The following UCMA variants were observed in gnomAD, a reference collection of about 807,000 sequenced individuals.
The protein encoded by UCMA is upper zone of growth plate and cartilage matrix-associated protein.
UCMA carries 21 observed loss-of-function variants against 21.8 expected under a neutral mutation model. That is an observed-to-expected ratio of 0.97 (90% CI 0.68 to 1.39). The LOEUF is 1.39. Ranked by LOEUF, UCMA falls within the 40% of genes most tolerant of loss-of-function variation. The pLI is 0.00. For synonymous variants in UCMA, 76 were observed against 67.9 expected (o/e 1.12, Z -0.58); for missense variants, 193 against 178.9 (o/e 1.08, Z -0.45).
At chr10:13,227,392 C>T (rs920223997) in intron 4 of UCMA, among the ~76,000 whole-genome samples, 14 of 152,186 alleles carry the variant, frequency 9.2e-5, no homozygotes, top group African/African-American at 3.1e-4. Context: ...TCCTCAGGAG[C>T]ATTACAATCT....
rs928122321 is a variant in UCMA at position 13,222,048 on chromosome 10, C to A, written c.*55G>T. On this transcript the variant is annotated 3_prime_UTR_variant, in exon 5 of 5. Coordinates refer to ENST00000378681, the MANE Select transcript of UCMA (RefSeq NM_145314.3). Reference sequence around the variant, plus strand: ...TTGCATGGGAAAGATTGCTGGAACACGGGGATGCCAATGGTGCTACAAGCT... The same window carrying A: ...TTGCATGGGAAAGATTGCTGGAACAAGGGGATGCCAATGGTGCTACAAGCT... 1 of 1,590,792 alleles carries A rather than the reference C, an allele frequency of 6.3e-7. No homozygotes were observed. The highest frequency in any genetic ancestry group is 1.1e-5 in the South Asian group (1 of 90,258).
rs533959785 is a variant in UCMA, at chr10:13,222,429, G to A, written c.320-229C>T. 2.6e-5 allele frequency among the ~76,000 whole-genome samples: 4 copies of A among 152,316 alleles called. No individual in the cohort carries two copies. In the East Asian group the frequency reaches 7.7e-4, roughly 29 times the overall value. ...AAGGTCACAGGCAGGTGTAGACCAG[G>A]GCCGGGCATCTCAGGCTCTTCTGCC... On this transcript the variant is annotated intron_variant, in intron 4 of 4. Coordinates refer to ENST00000378681, the MANE Select transcript of UCMA (RefSeq NM_145314.3).
Position 13,221,923 on chromosome 10 carries a change from A to G in UCMA, c.*180T>C, listed in dbSNP as rs796321840. On this transcript the variant is annotated 3_prime_UTR_variant, in exon 5 of 5. Transcript: ENST00000378681. ...TCAGAAGATGGTCTGCAAAGAGGTG[A>G]AAGTCAGGACACTTTCACACACTGG... 3.6e-5 allele frequency: 23 copies of G among 633,740 alleles called. No individual in the cohort carries two copies. The African/African-American group carries it at 4.0e-4, about 11-fold the overall frequency. The allele number at this position is 633,740 out of a possible 1,614,324, so 39.3% of individuals were successfully genotyped here. A position where few individuals can be genotyped will look rare whatever the true frequency, so the allele number is the denominator to read the frequency against.
Position 13,230,981 on chromosome 10 carries a change from G to A in UCMA, c.221-1272C>T, listed in dbSNP as rs374825254. Among the ~76,000 whole-genome samples the A allele has an allele frequency of 1.6e-4, 24 of 151,980 alleles. 2 individuals carry two copies. In the East Asian group the frequency reaches 1.9e-3, roughly 12 times the overall value. On this transcript the variant is annotated intron_variant, in intron 3 of 4. Transcript: ENST00000378681. Reference sequence around the variant, plus strand: ...GTGAGGCAGGAGAATTGCTTGAACCGGGGAGGTGGAGGTTGAGATCACGCC... The same window carrying A: ...GTGAGGCAGGAGAATTGCTTGAACCAGGGAGGTGGAGGTTGAGATCACGCC...
Position 13,233,632 on chromosome 10 carries a change from A to C in UCMA, c.126T>G (p.Asp42Glu), listed in dbSNP as rs1354954202. Residue 42 changes from aspartate (D) to glutamate (E), a missense_variant and splice_region_variant, in exon 3 of 5, where the codon GAT (aspartate) becomes GAG (glutamate). Asp to Glu is a conservative substitution (Grantham distance 45, BLOSUM62 2). Coordinates refer to ENST00000378681, the MANE Select transcript of UCMA (RefSeq NM_145314.3). Reference protein sequence around the residue: ...MQMAGEEASEDAKQKIFMQES... With the variant: ...MQMAGEEASEEAKQKIFMQES... ...CCTGCATGAAAATCTTCTGTTTTGC[A>C]TCTGAAACCCGGGAGAGGCCTGTCA... The C allele has an allele frequency of 1.2e-6, 2 of 1,614,112 alleles. No individual in the cohort carries two copies. The highest frequency in any genetic ancestry group is 4.5e-5 in the East Asian group (2 of 44,876).
chr10:13,234,193 G>T lies in UCMA; in HGVS notation c.58+8C>A. The T allele has an allele frequency of 7.4e-6, 12 of 1,612,476 alleles. No homozygotes were observed. The highest frequency in any genetic ancestry group is 1.0e-5 in the Non-Finnish European group (12 of 1,179,626). On this transcript the variant is annotated splice_region_variant and intron_variant, in intron 1 of 4. Coordinates refer to ENST00000378681, the MANE Select transcript of UCMA (RefSeq NM_145314.3). ...TAACACCCTCCACCTTGACCCTCCT[G>T]TACTCACTAGACAGGAGCACCACGG...
At chr10:13,229,555 T>C (rs1056755294) in intron 4 of UCMA, 56 bp downstream of exon 4, 4 of 1,460,588 alleles carry the variant, frequency 2.7e-6, no homozygotes, top group Non-Finnish European at 3.8e-6. Flanking sequence ...AAGCAAACCA[T>C]GTGATTTCTC....
rs1564405345 is a variant in UCMA, at chr10:13,233,717, G to C, written c.124+18C>G. 6.2e-7 allele frequency: 1 copy of C among 1,613,996 alleles called. No individual in the cohort carries two copies. Among genetic ancestry groups the C allele is most frequent in the Admixed American group, 1.7e-5 (1 of 59,992 alleles). The stretch of plus-strand genomic sequence containing the variant: ...CTGGCTGCACCTGCCCTGCCCCGTG[G>C]GTGGCCCCTGCACTCACCTTCACTC... On this transcript the variant is annotated intron_variant, in intron 2 of 4. Transcript: ENST00000378681.
intron 3 of UCMA, 133 bp downstream of exon 3, chr10:13,233,405 C>T (rs1834924793): frequency 2.8e-6 from 2 of 712,878 alleles, no homozygotes; most frequent in Non-Finnish European, 4.9e-6. Flanking sequence ...GCTGCAGTCC[C>T]TTTGATACCC....
chr10:13,234,353 G>T lies in UCMA; in HGVS notation c.-95C>A, dbSNP rs912906519. 3 of 1,326,786 alleles carry T rather than the reference G, an allele frequency of 2.3e-6. No individual in the cohort carries two copies. Among genetic ancestry groups the T allele is most frequent in the Non-Finnish European group, 3.1e-6 (3 of 962,936 alleles). The allele number at this position is 1,326,786 out of a possible 1,614,324, so 82.2% of individuals were successfully genotyped here. A position where few individuals can be genotyped will look rare whatever the true frequency, so the allele number is the denominator to read the frequency against. The stretch of plus-strand genomic sequence containing the variant: ...CACTTCTGAGGCAGGCAGCCCAGGC[G>T]AGAGGAAGGAAGGCGGGGGAGGGAA... On this transcript the variant is annotated 5_prime_UTR_variant, in exon 1 of 5. Transcript: ENST00000378681.
Position 13,224,197 on chromosome 10 carries a change from C to T in UCMA, c.320-1997G>A, listed in dbSNP as rs1834794969. On this transcript the variant is annotated intron_variant, in intron 4 of 4. Transcript: ENST00000378681. Reference sequence around the variant, plus strand: ...AAAATATTAGCCAGGTGTGATAGCACTTGCCTATAGTCCCAACTACTTGGG... The same window carrying T: ...AAAATATTAGCCAGGTGTGATAGCATTTGCCTATAGTCCCAACTACTTGGG... Among the ~76,000 whole-genome samples, 3 of 152,052 alleles carry T rather than the reference C, an allele frequency of 2.0e-5. No individual in the cohort carries two copies. The South Asian group carries it at 6.2e-4, about 31-fold the overall frequency.
intron 2 of UCMA, 45 bp from the exon 3 acceptor site, chr10:13,233,678 G>T: frequency 6.2e-7 from 1 of 1,613,838 alleles, no homozygotes; most frequent in South Asian, 1.1e-5. Context: ...GGGGGTGCTG[G>T]GGCTGCTGCT....
chr10:13,228,100 C>T (rs1183890546), intron 4 of UCMA, among the ~76,000 whole-genome samples: 4 of 151,764 alleles, frequency 2.6e-5, no homozygotes, highest in African/African-American at 9.7e-5. Context: ...TGCTCTGTTG[C>T]CCAGGCTGGA....
chr10:13,229,101 A>G (rs1834862443), intron 4 of UCMA, among the ~76,000 whole-genome samples: 1 of 151,822 alleles, frequency 6.6e-6, no homozygotes, highest in Admixed American at 6.6e-5. Context: ...ACACCCAGCT[A>G]ATTTTTGTAT....
Position 13,233,653 on chromosome 10 carries a change from T to C in UCMA, c.125-20A>G, listed in dbSNP as rs1247695825. 6.2e-7 allele frequency: 1 copy of C among 1,614,038 alleles called. No individual in the cohort carries two copies. The highest frequency in any genetic ancestry group is 8.5e-7 in the Non-Finnish European group (1 of 1,179,952). ...TTGCATCTGAAACCCGGGAGAGGCC[T>C]GTCACCAGCAGTGTGGGGGTGCTGG... On this transcript the variant is annotated intron_variant, in intron 2 of 4. Transcript: ENST00000378681.
At chr10:13,225,816 A>G (rs1834817821) in intron 4 of UCMA, among the ~76,000 whole-genome samples, 1 of 151,992 alleles carries the variant, frequency 6.6e-6, no homozygotes, top group Admixed American at 6.6e-5. Flanking sequence ...GGATGGTTTC[A>G]GGCAAGCAGA....
chr10:13,230,270 T>A (rs563733948), intron 3 of UCMA, among the ~76,000 whole-genome samples: 1 of 152,242 alleles, frequency 6.6e-6, no homozygotes, highest in Non-Finnish European at 1.5e-5. Flanking sequence ...ATTGTACTGC[T>A]GCACTCCACC....
chr10:13,233,676 T>C (rs3829926), intron 2 of UCMA, 43 bp from the exon 3 acceptor site: 1,068,999 of 1,613,558 alleles, frequency 0.66, 358,944 homozygotes, highest in Non-Finnish European at 0.7. Context: ...GTGGGGGTGC[T>C]GGGGCTGCTG....
chr10:13,230,294 C>T (rs968951676), intron 3 of UCMA, among the ~76,000 whole-genome samples: 7 of 152,058 alleles, frequency 4.6e-5, no homozygotes, highest in African/African-American at 1.7e-4. Context: ...GGCAACAGAG[C>T]GAGACCCTGT....
Sources: allele counts gnomAD v4.1 joint callset (sites outside exome capture counted in the v4.1 genomes callset), GRCh38; gene constraint gnomAD v4.1.1; transcripts MANE v1.5; gene names NCBI Gene and HGNC (gene_info 2026-07-23, HGNC 2026-07-21).